Variants in AUTS2 observed in about 807,000 individuals in gnomAD.
AUTS2 encodes the protein autism susceptibility gene 2 protein.
Under a neutral mutation model 112.4 loss-of-function variants are expected in AUTS2, and 17 were observed. That is an observed-to-expected ratio of 0.15 (90% confidence interval 0.10 to 0.23). The LOEUF (loss-of-function observed/expected upper bound fraction) is 0.23, where lower values mean the gene tolerates loss of function less well. Ranked by LOEUF, AUTS2 falls within the 10% of genes least tolerant of loss-of-function variation. The pLI is 1.00. For synonymous variants in AUTS2, 751 were observed against 702.7 expected, an observed-to-expected ratio of 1.07 and a Z score of -1.09; for missense variants, 1,510 against 1,701.6, an observed-to-expected ratio of 0.89 and a Z score of 1.98.
At chr7:69,884,823 T>C (rs1207626731) in intron 1 of AUTS2, among the ~76,000 whole-genome samples, 1 of 152,230 alleles carries the variant, frequency 6.6e-6, no homozygotes, top group Non-Finnish European at 1.5e-5. Flanking sequence ...GTCTCTTTTC[T>C]TGCCTCAACC....
chr7:70,203,710 GT>G (rs1480131507), intron 4 of AUTS2, among the ~76,000 whole-genome samples: 8 of 147,062 alleles, frequency 5.4e-5, no homozygotes, highest in African/African-American at 2.0e-4. Context: ...GGTATAGTGA[GT>G]GGCCTCACTA....
chr7:70,143,734 C>T (rs1202196086), intron 4 of AUTS2, among the ~76,000 whole-genome samples: 1 of 152,072 alleles, frequency 6.6e-6, no homozygotes, highest in Non-Finnish European at 1.5e-5. Context: ...AGAAACATTG[C>T]CAAAGGTGAT....
intron 1 of AUTS2, among the ~76,000 whole-genome samples, chr7:69,806,431 A>T (rs930426431): frequency 3.3e-5 from 5 of 152,064 alleles, no homozygotes; most frequent in African/African-American, 1.2e-4. Context: ...TCTACTTCTT[A>T]CAGAGTCTGA....
intron 1 of AUTS2, among the ~76,000 whole-genome samples, chr7:69,827,375 C>T (rs1052770473): frequency 6.6e-5 from 10 of 152,058 alleles, no homozygotes; most frequent in African/African-American, 1.9e-4. Flanking sequence ...GCGCAGCACA[C>T]TTACCTCCAT....
Position 70,239,852 on chromosome 7 carries a change from A to C in AUTS2, c.660+105281A>C, listed in dbSNP as rs189178373. ...ACCTACTCTCTGTAAGGCAATGTAC[A>C]TAAGAATGGAGGAGATACTAAGAAA... On this transcript the variant is annotated intron_variant, in intron 4 of 18. Transcript: ENST00000342771. Among the ~76,000 whole-genome samples the C allele has an allele frequency of 3.3e-5, 5 of 152,344 alleles. No homozygotes were observed. In the East Asian group the frequency reaches 5.8e-4, roughly 18 times the overall value.
At chr7:70,754,441 A>G (rs1031198303) in intron 6 of AUTS2, among the ~76,000 whole-genome samples, 1 of 152,136 alleles carries the variant, frequency 6.6e-6, no homozygotes, top group African/African-American at 2.4e-5. Context: ...GTCTGCTGTG[A>G]TTGCACCACT....
chr7:69,766,750 G>A (rs1192329039), intron 1 of AUTS2, among the ~76,000 whole-genome samples: 1 of 152,158 alleles, frequency 6.6e-6, no homozygotes, highest in Non-Finnish European at 1.5e-5. Context: ...AATTTCTCAG[G>A]ATCTGGGCCT....
intron 2 of AUTS2, among the ~76,000 whole-genome samples, chr7:69,984,966 GT>G (rs1798445436): frequency 6.6e-6 from 1 of 152,152 alleles, no homozygotes; most frequent in Non-Finnish European, 1.5e-5. Flanking sequence ...GTTTTGGAAA[GT>G]TTTTTGTTGA....
intron 1 of AUTS2, among the ~76,000 whole-genome samples, chr7:69,734,676 A>T (rs1380532593): frequency 1.3e-5 from 2 of 151,046 alleles, no homozygotes; most frequent in Non-Finnish European, 2.9e-5. Context: ...GTAGGTTCTT[A>T]ACTGACTTTT....
At chr7:70,752,179 C>T (rs954910231) in intron 6 of AUTS2, among the ~76,000 whole-genome samples, 1 of 151,948 alleles carries the variant, frequency 6.6e-6, no homozygotes, top group African/African-American at 2.4e-5. Context: ...GAAGGCTGCA[C>T]TGGGAATGGA....
chr7:69,766,975 A>G (rs1788447212), intron 1 of AUTS2, among the ~76,000 whole-genome samples: 3 of 152,080 alleles, frequency 2.0e-5, no homozygotes, highest in African/African-American at 7.2e-5. Flanking sequence ...GTGTGAAGCA[A>G]TACTTCACTC....
At chr7:69,938,303 T>C (rs1027898249) in intron 2 of AUTS2, among the ~76,000 whole-genome samples, 8 of 152,330 alleles carry the variant, frequency 5.3e-5, no homozygotes, top group Non-Finnish European at 1.0e-4. Flanking sequence ...CTGCTCTTTC[T>C]GCTCTTCTAT....
chr7:70,258,811 C>T (rs1307613352), intron 4 of AUTS2, among the ~76,000 whole-genome samples: 1 of 152,126 alleles, frequency 6.6e-6, no homozygotes, highest in Non-Finnish European at 1.5e-5. Flanking sequence ...GACAGAGGGA[C>T]TCTAACAAGC....
Position 70,776,855 on chromosome 7 carries a change from G to A in AUTS2, c.1933-248G>A, listed in dbSNP as rs932570342. 2.6e-5 allele frequency: 14 copies of A among 530,396 alleles called. No individual in the cohort carries two copies. In the Admixed American group the frequency reaches 2.9e-4, roughly 11 times the overall value. 32.9% of individuals were successfully genotyped at this position (530,396 alleles called of 1,614,324 possible). On this transcript the variant is annotated intron_variant, in intron 13 of 18. Transcript: ENST00000342771. ...TTTTGCCGTCTTGTCCTTGGTAACC[G>A]GGGAGGCCCTTGTCAATGTGGTTTT...
chr7:69,963,072 A>G (rs1028798975), intron 2 of AUTS2, among the ~76,000 whole-genome samples: 20 of 152,126 alleles, frequency 1.3e-4, no homozygotes, highest in South Asian at 2.1e-4. Flanking sequence ...AGATTGTCCC[A>G]TTTTAACAGT....
chr7:70,539,390 C>T (rs1228463433), intron 5 of AUTS2, among the ~76,000 whole-genome samples: 1 of 152,180 alleles, frequency 6.6e-6, no homozygotes, highest in African/African-American at 2.4e-5. Flanking sequence ...CTAAGCCCAG[C>T]CAGCCCTTCT....
chr7:70,261,296 A>C (rs1279026841), intron 4 of AUTS2, among the ~76,000 whole-genome samples: 3 of 152,224 alleles, frequency 2.0e-5, no homozygotes, highest in Admixed American at 6.5e-5. Flanking sequence ...GTAGTAACAA[A>C]AAGTAGTTCC....
At chr7:69,946,106 C>CT (rs1296471768) in intron 2 of AUTS2, among the ~76,000 whole-genome samples, 1 of 152,170 alleles carries the variant, frequency 6.6e-6, no homozygotes. Flanking sequence ...CTCTGCCTCC[C>CT]AAAGTGCTGG....
chr7:70,601,962 T>C (rs1168351217), intron 5 of AUTS2, among the ~76,000 whole-genome samples: 1 of 152,170 alleles, frequency 6.6e-6, no homozygotes, highest in Non-Finnish European at 1.5e-5. Context: ...AAAAAGTTTG[T>C]AGGTGTCCTT....
Sources: allele counts gnomAD v4.1 joint callset (sites outside exome capture counted in the v4.1 genomes callset), GRCh38; gene constraint gnomAD v4.1.1; transcripts MANE v1.5; gene names NCBI Gene and HGNC (gene_info 2026-07-23, HGNC 2026-07-21).